BICC1: variants seen among roughly 807,000 people sequenced by gnomAD.
BICC1 encodes protein bicaudal C homolog 1.
Under a neutral mutation model 111.0 loss-of-function variants are expected in BICC1, and 43 were observed. The observed-to-expected ratio is 0.39, with a 90% CI of 0.30 to 0.50. BICC1 has a LOEUF of 0.50. Ranked by LOEUF, BICC1 falls within the 20% of genes least tolerant of loss-of-function variation. The pLI, the probability that BICC1 is intolerant of heterozygous loss-of-function variation, is 0.88. For synonymous variants in BICC1, 467 were observed against 434.4 expected (o/e 1.07, Z -0.93); for missense variants, 1,091 against 1,203.2 (o/e 0.91, Z 1.38).
chr10:58,681,135 A>C (rs1359832054), intron 2 of BICC1, among the ~76,000 whole-genome samples: 1 of 152,254 alleles, frequency 6.6e-6, no homozygotes, highest in Non-Finnish European at 1.5e-5. Flanking sequence ...TGACTAAAAC[A>C]CCAAAAGCAA....
At chr10:58,567,821 C>T (rs774898298) in intron 1 of BICC1, among the ~76,000 whole-genome samples, 2 of 151,920 alleles carry the variant, frequency 1.3e-5, no homozygotes, top group Non-Finnish European at 2.9e-5. Flanking sequence ...TGTGAATACC[C>T]AGGGAAGGCA....
At chr10:58,514,681 C>CT (rs1491055460) in intron 1 of BICC1, among the ~76,000 whole-genome samples, 3 of 132,130 alleles carry the variant, frequency 2.3e-5, no homozygotes, top group Non-Finnish European at 4.9e-5. Context: ...CCTTCCCTCT[C>CT]TTTTTTTCTC....
At chr10:58,611,239 A>G (rs1845408120) in intron 1 of BICC1, among the ~76,000 whole-genome samples, 2 of 152,262 alleles carry the variant, frequency 1.3e-5, no homozygotes. Context: ...AATTCAAGCT[A>G]TTTAAAGGTA....
chr10:58,807,483 A>G (rs1018354819), intron 17 of BICC1, among the ~76,000 whole-genome samples: 1 of 152,202 alleles, frequency 6.6e-6, no homozygotes, highest in Non-Finnish European at 1.5e-5. Context: ...TTTCATAAAA[A>G]TGTCTAAAGA....
intron 10 of BICC1, among the ~76,000 whole-genome samples, chr10:58,797,674 C>G (rs937119992): frequency 6.6e-6 from 1 of 152,068 alleles, no homozygotes; most frequent in African/African-American, 2.4e-5. Context: ...ATTGCTATAC[C>G]TATCCTGTTA....
In BICC1 at chr10:58,828,833, G is replaced by C; in HGVS notation, c.2867G>C (p.Ser956Thr). The C allele has an allele frequency of 6.2e-7, 1 of 1,614,018 alleles. No homozygotes were observed. Among genetic ancestry groups the C allele is most frequent in the Non-Finnish European group, 8.5e-7 (1 of 1,179,908 alleles). Residue 956 changes from serine to threonine, a missense_variant, in exon 21 of 21, where the codon AGT becomes ACT. Ser to Thr is a moderately conservative substitution (Grantham distance 58). Coordinates refer to ENST00000373886, the MANE Select transcript of BICC1 (RefSeq NM_001080512.3). ...ACCTCTTTCCTGGAAGGTGGAGCGA[G>C]TGGAAGGCTACCCCGTCAGTATCAC... ...ARTSFLEGGA[S>T]GRLPRQYHSD...
chr10:58,553,019 A>G (rs1843339524), intron 1 of BICC1, among the ~76,000 whole-genome samples: 1 of 151,964 alleles, frequency 6.6e-6, no homozygotes, highest in East Asian at 1.9e-4. Context: ...ATTTTTTCCT[A>G]CTGAATTGTA....
At chr10:58,703,516 T>C (rs1044210723) in intron 3 of BICC1, among the ~76,000 whole-genome samples, 4 of 152,194 alleles carry the variant, frequency 2.6e-5, no homozygotes, top group Non-Finnish European at 5.9e-5. Flanking sequence ...ACTTATATGC[T>C]AAATAATCAT....
intron 1 of BICC1, among the ~76,000 whole-genome samples, chr10:58,553,047 T>G (rs559639672): frequency 1.6e-4 from 25 of 152,326 alleles, no homozygotes; most frequent in Admixed American, 5.2e-4. Flanking sequence ...TCTTTTGTCT[T>G]TCCCTTTAAA....
At chr10:58,694,537 A>G (rs1403921832) in intron 2 of BICC1, among the ~76,000 whole-genome samples, 1 of 152,184 alleles carries the variant, frequency 6.6e-6, no homozygotes, top group Non-Finnish European at 1.5e-5. Flanking sequence ...TGGTAACTGA[A>G]ATTCATGCGT....
chr10:58,753,804 GA>G (rs1182239341), intron 3 of BICC1, among the ~76,000 whole-genome samples: 4 of 151,446 alleles, frequency 2.6e-5, no homozygotes, highest in African/African-American at 9.7e-5. Flanking sequence ...AATATACCTT[GA>G]TATATGCTGG....
At chr10:58,642,534 C>T (rs114222917) in intron 2 of BICC1, among the ~76,000 whole-genome samples, 32 of 152,222 alleles carry the variant, frequency 2.1e-4, no homozygotes, top group African/African-American at 5.8e-4. Flanking sequence ...GTGCCCTCAA[C>T]GTCTAGCTGT....
At chr10:58,801,190 T>C (rs1007376067) in intron 14 of BICC1, 144 bp downstream of exon 14, 7 of 674,738 alleles carry the variant, frequency 1.0e-5, no homozygotes, top group Non-Finnish European at 6.6e-6. Flanking sequence ...AAAAAAAATA[T>C]TAAGGAATAA....
intron 2 of BICC1, among the ~76,000 whole-genome samples, chr10:58,624,561 A>G (rs1206101569): frequency 1.3e-5 from 2 of 152,144 alleles, no homozygotes; most frequent in African/African-American, 4.8e-5. Flanking sequence ...CAAAAAGAGA[A>G]AAAAGTAATC....
chr10:58,702,430 C>A lies in BICC1; in HGVS notation c.307+287C>A, dbSNP rs147480198. Among the ~76,000 whole-genome samples the A allele has an allele frequency of 1.0e-3, 154 of 152,274 alleles. 2 individuals carry two copies. The highest frequency in any genetic ancestry group is 1.8e-3 in the Non-Finnish European group (125 of 68,030). Reference sequence around the variant, plus strand: ...GATTGATATCCATGAGTCATGGTAACTCTTCACATGTTTTTAACACATAAA... The same window carrying A: ...GATTGATATCCATGAGTCATGGTAAATCTTCACATGTTTTTAACACATAAA... On this transcript the variant is annotated intron_variant, in intron 3 of 20. Coordinates refer to ENST00000373886, the MANE Select transcript of BICC1 (RefSeq NM_001080512.3).
chr10:58,522,941 C>A (rs1459609389), intron 1 of BICC1, among the ~76,000 whole-genome samples: 2 of 152,136 alleles, frequency 1.3e-5, no homozygotes, highest in Non-Finnish European at 2.9e-5. Context: ...TGCAAATAAA[C>A]TAGAAAATCT....
chr10:58,746,856 C>T (rs919684364), intron 3 of BICC1, among the ~76,000 whole-genome samples: 1 of 152,132 alleles, frequency 6.6e-6, no homozygotes, highest in African/African-American at 2.4e-5. Flanking sequence ...GCTGATATGT[C>T]AACAGCAGGG....
intron 2 of BICC1, among the ~76,000 whole-genome samples, chr10:58,658,559 G>T (rs753039927): frequency 6.6e-6 from 1 of 152,088 alleles, no homozygotes; most frequent in Non-Finnish European, 1.5e-5. Flanking sequence ...TGCCATCTGT[G>T]TTTGTTACTT....
intron 1 of BICC1, among the ~76,000 whole-genome samples, chr10:58,604,760 T>C (rs192609827): frequency 2.6e-5 from 4 of 152,330 alleles, no homozygotes; most frequent in Admixed American, 2.0e-4. Flanking sequence ...GAATGGTGTC[T>C]TAGTCTGTTT....
Sources: gnomAD v4.1 joint callset for allele counts (sites outside exome capture counted in the v4.1 genomes callset) on GRCh38, gnomAD v4.1.1 for gene constraint, MANE v1.5 for transcripts, NCBI Gene and HGNC (gene_info 2026-07-23, HGNC 2026-07-21) for gene names.